The following VPS33A variants were observed in gnomAD, a reference collection of about 807,000 sequenced individuals.
VPS33A encodes vacuolar protein sorting-associated protein 33A.
A neutral mutation model predicts 71.8 loss-of-function variants in VPS33A; 32 were observed. The observed-to-expected ratio is 0.45, with a 90% CI of 0.34 to 0.60. VPS33A has a LOEUF of 0.60. Among genes scored for constraint, VPS33A ranks in the 20% least tolerant of loss-of-function variants. The pLI is 0.02. For synonymous variants in VPS33A, 311 were observed against 292.7 expected, an observed-to-expected ratio of 1.06 and a Z score of -0.64; for missense variants, 625 against 748.5, an observed-to-expected ratio of 0.84 and a Z score of 1.92.
In VPS33A at chr12:122,239,021, ACC is replaced by A. The variant is rs201281659; in HGVS notation, c.1165-299_1165-298del. ...TACACACACACACACACACACACACACCCCCCAGTGATCAGGCCAAGTCACTG... is the reference window on the plus strand; with the variant it reads ...TACACACACACACACACACACACACACCCCAGTGATCAGGCCAAGTCACTG... On this transcript the variant is annotated intron_variant, in intron 9 of 12. Coordinates refer to ENST00000267199, the MANE Select transcript of VPS33A (RefSeq NM_022916.6). Among the ~76,000 whole-genome samples the A allele has an allele frequency of 3.7e-3, 507 of 137,606 alleles. 2 individuals are homozygous for A. The highest frequency in any genetic ancestry group is 0.015 in the African/African-American group (482 of 32,104). The allele number at this position is 137,606 out of a possible 152,430, so 90.3% of individuals were successfully genotyped here.
At chr12:122,261,212 T>C in intron 4 of VPS33A, 49 bp downstream of exon 4, 6 of 1,561,896 alleles carry the variant, frequency 3.8e-6, no homozygotes, top group Non-Finnish European at 5.2e-6. Context: ...CTCACACTCA[T>C]AAACTGGGCA....
chr12:122,261,884 C>T (rs953291936), intron 3 of VPS33A, among the ~76,000 whole-genome samples: 1 of 152,168 alleles, frequency 6.6e-6, no homozygotes, highest in African/African-American at 2.4e-5. Flanking sequence ...CACCTGTAAT[C>T]CCAGCTACTT....
intron 4 of VPS33A, among the ~76,000 whole-genome samples, chr12:122,254,563 C>T (rs1330572164): frequency 6.6e-6 from 1 of 151,938 alleles, no homozygotes; most frequent in Non-Finnish European, 1.5e-5. Context: ...CCACCACACC[C>T]AGCTAATTTT....
chr12:122,241,980 T>C (rs1954721643), intron 8 of VPS33A, among the ~76,000 whole-genome samples: 1 of 152,066 alleles, frequency 6.6e-6, no homozygotes, highest in African/African-American at 2.4e-5. Flanking sequence ...TGATGTCGGC[T>C]CACTGCAACC....
chr12:122,234,483 G>A (rs1954604032), intron 11 of VPS33A, among the ~76,000 whole-genome samples: 1 of 152,076 alleles, frequency 6.6e-6, no homozygotes, highest in Non-Finnish European at 1.5e-5. Flanking sequence ...GTAGAGACAG[G>A]GTTTCACCAT....
In VPS33A at chr12:122,232,952, G is replaced by A. The variant is rs1188661941; in HGVS notation, c.1457C>T (p.Ser486Leu). Residue 486 changes from serine (S) to leucine (L), a missense_variant, in exon 12 of 13, where the codon TCG (serine) becomes TTG (leucine). Coordinates refer to ENST00000267199, the MANE Select transcript of VPS33A (RefSeq NM_022916.6). ...DVNEQNPTDI[S>L]YVYSGYAPLS... ...CGGGGCATACCCACTGTACACATAC[G>A]ATATGTCCGTGGGGTTCTGTGAGAT... 7 of 1,608,698 alleles carry A rather than the reference G, an allele frequency of 4.4e-6. No homozygotes were observed. The highest frequency in any genetic ancestry group is 1.3e-5 in the African/African-American group (1 of 74,828).
At position 122,264,155 on chromosome 12, in the gene VPS33A, A is replaced by T; in HGVS notation, c.147T>A (p.Ile49=). The T allele has an allele frequency of 6.4e-7, 1 of 1,564,298 alleles. No homozygotes were observed. Among genetic ancestry groups the T allele is most frequent in the Non-Finnish European group, 8.7e-7 (1 of 1,146,272 alleles). The change falls in exon 2 of 13, where the codon ATT becomes ATA. Residue 49 remains isoleucine, a synonymous_variant. Transcript: ENST00000267199. ...DEYLTGPFGL[I]AQYSLLKEHE... is the part of the protein sequence containing the mutation. Reference sequence around the variant, plus strand: ...TTACCTTCAATAGTGAATACTGTGCAATCAGGCCAAAGGGTCCAGTTAGGT... The same window carrying T: ...TTACCTTCAATAGTGAATACTGTGCTATCAGGCCAAAGGGTCCAGTTAGGT...
Position 122,235,878 on chromosome 12 carries a change from C to A in VPS33A, c.1348G>T (p.Ala450Ser), listed in dbSNP as rs1954623697. 2 of 1,613,806 alleles carry A rather than the reference C, an allele frequency of 1.2e-6. No homozygotes were observed. The highest frequency in any genetic ancestry group is 1.7e-6 in the Non-Finnish European group (2 of 1,179,890). ...CCCGTCTGCGGTTTCAGCAGGCCGG[C>A]CTTCTCCAGGTTGTGTAAGGTCAAT... ...HILTLHNLEK[A>S]GLLKPQTGGR... The change falls in exon 11 of 13, where the codon GCC becomes TCC. Residue 450 changes from alanine (A) to serine (S), a missense_variant. Physicochemically the swap from Ala to Ser is moderately conservative, Grantham distance 99. Coordinates refer to ENST00000267199, the MANE Select transcript of VPS33A (RefSeq NM_022916.6).
Position 122,232,947 on chromosome 12 carries a change from C to T in VPS33A, c.1462G>A (p.Val488Met). 1 of 1,611,334 alleles carries T rather than the reference C, an allele frequency of 6.2e-7. No individual in the cohort carries two copies. The highest frequency in any genetic ancestry group is 8.5e-7 in the Non-Finnish European group (1 of 1,178,502). ...CTGAGCGGGGCATACCCACTGTACA[C>T]ATACGATATGTCCGTGGGGTTCTGT... ...NEQNPTDISY[V>M]YSGYAPLSVR... is the part of the protein sequence containing the mutation. The change falls in exon 12 of 13, where the codon GTG becomes ATG. Residue 488 changes from valine (V) to methionine (M), a missense_variant. Val to Met is a conservative substitution (Grantham distance 21, BLOSUM62 1). Transcript: ENST00000267199.
rs115692218 is a variant in VPS33A at position 122,234,691 on chromosome 12, G to A, written c.1440+1095C>T. Among the ~76,000 whole-genome samples the A allele has an allele frequency of 4.9e-3, 739 of 152,264 alleles. 2 individuals carry two copies. Among genetic ancestry groups the A allele is most frequent in the African/African-American group, 0.017 (689 of 41,546 alleles). On this transcript the variant is annotated intron_variant, in intron 11 of 12. Transcript: ENST00000267199. The stretch of plus-strand genomic sequence containing the variant: ...TCTGTGCCCGGAGATGGACCTGTGC[G>A]TCCCACACCAACACACTCCAATGCC...
At chr12:122,233,040 G>A in intron 11 of VPS33A, 72 bp from the exon 12 acceptor site, 3 of 1,402,892 alleles carry the variant, frequency 2.1e-6, no homozygotes, top group Non-Finnish European at 2.8e-6. Context: ...GGCCTTTTGG[G>A]TAATCCAAAA....
At chr12:122,250,821 T>C in intron 5 of VPS33A, 162 bp downstream of exon 5, 1 of 617,662 alleles carries the variant, frequency 1.6e-6, no homozygotes, top group Non-Finnish European at 2.9e-6. Flanking sequence ...AGTACTGACT[T>C]GGAGGGTTAT....
rs1390215900 is a variant in VPS33A at position 122,238,725 on chromosome 12, C to CT, written c.1165-2dup. The CT allele has an allele frequency of 1.9e-6, 3 of 1,610,298 alleles. No individual in the cohort carries two copies. The highest frequency in any genetic ancestry group is 2.5e-6 in the Non-Finnish European group (3 of 1,178,960). On this transcript the variant is annotated splice_acceptor_variant, in intron 9 of 12. Coordinates refer to ENST00000267199, the MANE Select transcript of VPS33A (RefSeq NM_022916.6). LOFTEE classifies it high-confidence loss of function. ...TACAATCCTCAATGTAATTGTTGAC[C>CT]TGGAAATAAAGTAGCATACATATAC...
intron 8 of VPS33A, 138 bp downstream of exon 8, chr12:122,242,244 T>C (rs1362212289): frequency 9.1e-7 from 1 of 1,100,104 alleles, no homozygotes; most frequent in African/African-American, 1.6e-5. Context: ...GTATACTTCA[T>C]TAACACTGAG....
At chr12:122,235,168 C>T (rs1790988362) in intron 11 of VPS33A, among the ~76,000 whole-genome samples, 1 of 151,922 alleles carries the variant, frequency 6.6e-6, no homozygotes, top group Non-Finnish European at 1.5e-5. Flanking sequence ...CCATGTTGCC[C>T]AGGCTGGTCT....
intron 10 of VPS33A, among the ~76,000 whole-genome samples, chr12:122,238,311 C>T (rs1221089558): frequency 6.6e-6 from 1 of 152,164 alleles, no homozygotes; most frequent in African/African-American, 2.4e-5. Flanking sequence ...ACCTCCGCCT[C>T]CTGCGTTCAA....
At chr12:122,233,013 T>C (rs748256355) in intron 11 of VPS33A, 45 bp from the exon 12 acceptor site, 1 of 1,502,878 alleles carries the variant, frequency 6.7e-7, no homozygotes, top group South Asian at 1.3e-5. Context: ...TACAGAGACT[T>C]AGAGCTACCT....
chr12:122,232,157 T>C lies in VPS33A; in HGVS notation c.*89A>G. ...CAGAATATATTCTGTATTCCCATGTTTCTTCTATGGGGTTTTACTTCCTTT... is the reference window on the plus strand; with the variant it reads ...CAGAATATATTCTGTATTCCCATGTCTCTTCTATGGGGTTTTACTTCCTTT... On this transcript the variant is annotated 3_prime_UTR_variant, in exon 13 of 13. Coordinates refer to ENST00000267199, the MANE Select transcript of VPS33A (RefSeq NM_022916.6). 1.6e-6 allele frequency: 2 copies of C among 1,248,930 alleles called. No homozygotes were observed. Among genetic ancestry groups the C allele is most frequent in the Non-Finnish European group, 2.2e-6 (2 of 898,692 alleles). The allele number at this position is 1,248,930 out of a possible 1,614,324, so 77.4% of individuals were successfully genotyped here.
Position 122,242,276 on chromosome 12 carries a change from A to T in VPS33A, c.1096+106T>A. The T allele has an allele frequency of 2.2e-6, 3 of 1,375,512 alleles. No individual in the cohort carries two copies. The South Asian group carries it at 3.9e-5, about 18-fold the overall frequency. The allele number at this position is 1,375,512 out of a possible 1,614,324, so 85.2% of individuals were successfully genotyped here. A position where few individuals can be genotyped will look rare whatever the true frequency, so the allele number is the denominator to read the frequency against. ...TGAGAAGAACACGTGGTATTAAGAC[A>T]GAGCTGACTCTCCCGAAGAGGCATT... On this transcript the variant is annotated intron_variant, in intron 8 of 12. Coordinates refer to ENST00000267199, the MANE Select transcript of VPS33A (RefSeq NM_022916.6).
Sources: allele counts gnomAD v4.1 joint callset (sites outside exome capture counted in the v4.1 genomes callset), GRCh38; gene constraint gnomAD v4.1.1; transcripts MANE v1.5; gene names NCBI Gene and HGNC (gene_info 2026-07-23, HGNC 2026-07-21).